The following AARS1 variants were observed in gnomAD, a reference collection of about 807,000 sequenced individuals.
The protein encoded by AARS1 is alanyl-tRNA synthetase 1, also known as alanine--tRNA ligase, cytoplasmic.
A neutral mutation model predicts 108.9 loss-of-function variants in AARS1; 72 were observed. That is an observed-to-expected ratio of 0.66 (90% CI 0.55 to 0.80). The LOEUF is 0.80. Among genes scored for constraint, AARS1 ranks in the 30% least tolerant of loss-of-function variants. The pLI is 0.00. For missense variants in AARS1, 1,193 were observed against 1,233.2 expected, an observed-to-expected ratio of 0.97 and a Z score of 0.49; for synonymous variants, 489 against 465.7, an observed-to-expected ratio of 1.05 and a Z score of -0.64.
chr16:70,254,628 A>G lies in AARS1; in HGVS notation c.2393T>C (p.Leu798Pro), dbSNP rs1959932014. The change falls in exon 17 of 21, where the codon CTT (leucine) becomes CCT (proline). Residue 798 changes from leucine to proline, a missense_variant. Leu to Pro is a moderately conservative substitution (Grantham distance 98, BLOSUM62 -3). Coordinates refer to ENST00000261772, the MANE Select transcript of AARS1 (RefSeq NM_001605.3). ...GAGGGAAGCCGCCCCTACCTCTCCA[A>G]GGTCAGCGATCTCCCTCTGCACATC... ...NKDVQREIAD[L>P]GEALATAVIP... 6.2e-7 allele frequency: 1 copy of G among 1,613,244 alleles called. No homozygotes were observed. The highest frequency in any genetic ancestry group is 1.3e-5 in the African/African-American group (1 of 74,894).
rs1211684571 is a variant in AARS1 at position 70,282,748 on chromosome 16, TTAGAG to T, written c.11_15del (p.Thr4AsnfsTer4). 3 of 1,613,976 alleles carry T rather than the reference TTAGAG, an allele frequency of 1.9e-6. No homozygotes were observed. Among genetic ancestry groups the T allele is most frequent in the Non-Finnish European group, 2.5e-6 (3 of 1,180,008 alleles). On this transcript the variant is annotated frameshift_variant, in exon 2 of 21. Transcript: ENST00000261772. LOFTEE classifies it high-confidence loss of function. ...AATCGCTGCCGGATTTCACTTGCTG[TTAGAG>T]TAGAGTCCATCTTGAAAGTCACCCC... is the stretch of plus-strand genomic sequence containing the variant.
At chr16:70,287,231 G>C in intron 1 of AARS1, among the ~76,000 whole-genome samples, 1 of 134,386 alleles carries the variant, frequency 7.4e-6, no homozygotes, top group Non-Finnish European at 1.6e-5. Context: ...CTCCAGCCTG[G>C]GCGACAGAGC....
intron 1 of AARS1, among the ~76,000 whole-genome samples, chr16:70,287,891 G>A (rs1960892399): frequency 1.3e-5 from 2 of 152,002 alleles, no homozygotes; most frequent in Admixed American, 6.6e-5. Flanking sequence ...TCAGCCTCCT[G>A]AGTAGCTGGG....
At chr16:70,277,758 CTTTTT>C (rs573677725) in intron 2 of AARS1, among the ~76,000 whole-genome samples, 5 of 137,822 alleles carry the variant, frequency 3.6e-5, no homozygotes, top group African/African-American at 1.3e-4. Flanking sequence ...CCACTAGACA[CTTTTT>C]TTTTTTTTTT....
chr16:70,273,919 C>G (rs1960474341), intron 4 of AARS1, among the ~76,000 whole-genome samples: 1 of 149,466 alleles, frequency 6.7e-6, no homozygotes, highest in Non-Finnish European at 1.5e-5. Context: ...TGCTTCTAGT[C>G]CTAGTTACTC....
chr16:70,268,439 T>C, intron 7 of AARS1, 60 bp from the exon 8 acceptor site: 1 of 1,447,446 alleles, frequency 6.9e-7, no homozygotes, highest in Non-Finnish European at 9.7e-7. Context: ...CTTGAGTCCC[T>C]TGGAATCCTA....
rs56394253 is a variant in AARS1, at chr16:70,269,322, G to GA, written c.962+295dup. Among the ~76,000 whole-genome samples, 28 of 64,268 alleles carry GA rather than the reference G, an allele frequency of 4.4e-4. 1 individual carries two copies. The highest frequency in any genetic ancestry group is 8.8e-3 in the Middle Eastern group (1 of 114). The allele number at this position is 64,268 out of a possible 152,430, so 42.2% of individuals were successfully genotyped here. On this transcript the variant is annotated intron_variant, in intron 7 of 20. Transcript: ENST00000261772. Reference sequence around the variant, plus strand: ...GCAACAAAAGCAAAATTCTGTCTCAGAAAAAAAAAAAAAAAAAAAAAAAAA... The same window carrying GA: ...GCAACAAAAGCAAAATTCTGTCTCAGAAAAAAAAAAAAAAAAAAAAAAAAAA...
chr16:70,264,793 C>T (rs1322199379), intron 11 of AARS1, among the ~76,000 whole-genome samples, 165 bp downstream of exon 11: 2 of 152,040 alleles, frequency 1.3e-5, no homozygotes, highest in Non-Finnish European at 2.9e-5. Context: ...AGAAAACCTC[C>T]AGCCAAGGGT....
In AARS1 at chr16:70,276,945, GTTC is replaced by G. The variant is rs2152166939; in HGVS notation, c.333+18_333+20del. On this transcript the variant is annotated intron_variant, in intron 3 of 20. Coordinates refer to ENST00000261772, the MANE Select transcript of AARS1 (RefSeq NM_001605.3). ...GACCATTTTCCTCAAAACCCTAGTG[GTTC>G]TTCTGCTCTGAACTTACCTTAAAGT... 3 of 1,613,846 alleles carry G rather than the reference GTTC, an allele frequency of 1.9e-6. No homozygotes were observed. Among genetic ancestry groups the G allele is most frequent in the Non-Finnish European group, 8.5e-7 (1 of 1,179,762 alleles).
Position 70,252,479 on chromosome 16 carries a change from G to C in AARS1, c.*242C>G. The C allele has an allele frequency of 1.8e-6, 1 of 570,048 alleles. No individual in the cohort carries two copies. Among genetic ancestry groups the C allele is most frequent in the Non-Finnish European group, 3.1e-6 (1 of 318,030 alleles). 35.3% of individuals were successfully genotyped at this position (570,048 alleles called of 1,614,324 possible). Reference sequence around the variant, plus strand: ...CAGGTCTGGAGAGCCGTTATCTATAGATGCGAGCGTGACGATCAACAGCAA... The same window carrying C: ...CAGGTCTGGAGAGCCGTTATCTATACATGCGAGCGTGACGATCAACAGCAA... On this transcript the variant is annotated 3_prime_UTR_variant, in exon 21 of 21. Transcript: ENST00000261772.
intron 4 of AARS1, chr16:70,276,253 T>A (rs890031505): frequency 4.7e-5 from 19 of 401,858 alleles, no homozygotes; most frequent in Non-Finnish European, 1.8e-5. Context: ...TATTAATGCA[T>A]CTAAAGATAA....
chr16:70,258,570 C>CTT (rs1165944583), intron 14 of AARS1, among the ~76,000 whole-genome samples: 1 of 147,386 alleles, frequency 6.8e-6, no homozygotes, highest in Non-Finnish European at 1.5e-5. Context: ...TTTAAACAAA[C>CTT]TTTTTTTTTT....
chr16:70,272,861 G>C (rs1235831783), intron 4 of AARS1, among the ~76,000 whole-genome samples: 1 of 145,570 alleles, frequency 6.9e-6, no homozygotes, highest in East Asian at 2.0e-4. Flanking sequence ...AGTGAGCTGT[G>C]ATCATGCCAC....
intron 1 of AARS1, among the ~76,000 whole-genome samples, chr16:70,285,501 C>T (rs543827688): frequency 3.3e-5 from 5 of 151,912 alleles, no homozygotes; most frequent in African/African-American, 7.2e-5. Flanking sequence ...CAGGCTGGAG[C>T]GCTGTGGCGC....
chr16:70,284,948 C>T (rs144321468), intron 1 of AARS1, among the ~76,000 whole-genome samples: 16 of 152,158 alleles, frequency 1.1e-4, no homozygotes, highest in East Asian at 3.9e-4. Context: ...GAAAACGTTA[C>T]GCCACGTGCG....
intron 2 of AARS1, among the ~76,000 whole-genome samples, chr16:70,278,345 C>A (rs1474673490): frequency 6.6e-6 from 1 of 151,908 alleles, no homozygotes; most frequent in Admixed American, 6.6e-5. Context: ...GTGGGCGGAT[C>A]ACCTGAGGTC....
intron 17 of AARS1, chr16:70,254,266 C>A (rs1038125515): frequency 6.3e-6 from 4 of 631,834 alleles, no homozygotes; most frequent in African/African-American, 5.5e-5. Context: ...CCGGTCCTTA[C>A]CAGGCTGGGA....
rs865779159 is a variant in AARS1 at position 70,254,025 on chromosome 16, G to A, written c.2414C>T (p.Ala805Val). Reference sequence around the variant, plus strand: ...ATCCTTCTGCCACTGGGGGATGACTGCAGTGGCCAGGGCCTGGAACCAATA... The same window carrying A: ...ATCCTTCTGCCACTGGGGGATGACTACAGTGGCCAGGGCCTGGAACCAATA... ...IADLGEALATAVIPQWQKDEL... is the reference protein window; with the variant it reads ...IADLGEALATVVIPQWQKDEL... The change falls in exon 18 of 21, where the codon GCA (alanine) becomes GTA (valine). Residue 805 changes from alanine (A) to valine (V), a missense_variant. Ala to Val is a moderately conservative substitution (Grantham distance 64). Coordinates refer to ENST00000261772, the MANE Select transcript of AARS1 (RefSeq NM_001605.3). The A allele has an allele frequency of 1.2e-6, 2 of 1,614,086 alleles. No homozygotes were observed. The highest frequency in any genetic ancestry group is 1.3e-5 in the African/African-American group (1 of 75,038).
chr16:70,288,401 G>A (rs955549858), intron 1 of AARS1, among the ~76,000 whole-genome samples: 2 of 151,506 alleles, frequency 1.3e-5, no homozygotes, highest in Non-Finnish European at 2.9e-5. Flanking sequence ...GAGCCACCGC[G>A]CCCGGCCGCC....
Sources: gnomAD v4.1 joint callset for allele counts (sites outside exome capture counted in the v4.1 genomes callset) on GRCh38, gnomAD v4.1.1 for gene constraint, MANE v1.5 for transcripts, NCBI Gene and HGNC (gene_info 2026-07-23, HGNC 2026-07-21) for gene names.